BLNK: variants seen among roughly 807,000 people sequenced by gnomAD.
BLNK encodes B-cell linker protein.
A neutral mutation model predicts 73.5 loss-of-function variants in BLNK; 29 were observed. The observed-to-expected ratio is 0.39, with a 90% CI of 0.29 to 0.54. BLNK has a LOEUF of 0.54. BLNK is among the 20% of genes least tolerant of loss of function. BLNK has a pLI of 0.61. For synonymous variants in BLNK, 176 were observed against 200.8 expected (o/e 0.88, Z 1.04); for missense variants, 460 against 562.8 (o/e 0.82, Z 1.85).
chr10:96,259,751 T>A (rs184511302), intron 1 of BLNK, among the ~76,000 whole-genome samples: 87 of 133,916 alleles, frequency 6.5e-4, no homozygotes, highest in African/African-American at 2.3e-3. Context: ...GTCTTTGGCA[T>A]GTCTGAACGG....
At position 96,227,392 on chromosome 10, in the gene BLNK, G is replaced by C; in HGVS notation, c.361+18C>G. On this transcript the variant is annotated intron_variant, in intron 5 of 16. Transcript: ENST00000224337. ...TGGGCCTGGAAGGCCGAGTGCCCAG[G>C]TCTGCGGGGGACCTCACCTATATAC... is the stretch of plus-strand genomic sequence containing the variant. The C allele has an allele frequency of 6.2e-7, 1 of 1,612,330 alleles. No homozygotes were observed. The highest frequency in any genetic ancestry group is 8.5e-7 in the Non-Finnish European group (1 of 1,179,742).
rs1554893530 is a variant in BLNK at position 96,191,982 on chromosome 10, T to C, written c.1362A>G (p.Lys454=). Residue 454 remains lysine (K), a synonymous_variant, in exon 17 of 17, where the codon AAA becomes AAG. Coordinates refer to ENST00000224337, the MANE Select transcript of BLNK (RefSeq NM_013314.4). ...TCTTTTTTTTCCCCCTTTATGAAAC[T>C]TTAACTGCATACTTCAGTCTGGTGG... ...KDSTRLKYAV[K]VS 2 of 1,613,762 alleles carry C rather than the reference T, an allele frequency of 1.2e-6. No individual in the cohort carries two copies. The highest frequency in any genetic ancestry group is 1.1e-5 in the South Asian group (1 of 91,076).
At chr10:96,208,362 C>T (rs954530984) in intron 9 of BLNK, among the ~76,000 whole-genome samples, 9 of 152,184 alleles carry the variant, frequency 5.9e-5, no homozygotes, top group African/African-American at 1.4e-4. Flanking sequence ...GGTGAGGTTG[C>T]AGCTGCACTT....
chr10:96,215,245 A>G, intron 8 of BLNK, 76 bp downstream of exon 8: 1 of 1,436,096 alleles, frequency 7.0e-7, no homozygotes, highest in Non-Finnish European at 9.8e-7. Flanking sequence ...AATACAAGTG[A>G]TTACTCTTCA....
Position 96,224,024 on chromosome 10 carries a change from G to T in BLNK, c.362-35C>A, listed in dbSNP as rs2084263333. ...AACAAACAAAAAACATAACATAAAA[G>T]AGGCTCTGGATCATTTCCTGGGTGG... On this transcript the variant is annotated intron_variant, in intron 5 of 16. Coordinates refer to ENST00000224337, the MANE Select transcript of BLNK (RefSeq NM_013314.4). 2.5e-6 allele frequency: 4 copies of T among 1,611,494 alleles called. No individual in the cohort carries two copies. In the African/African-American group the frequency reaches 5.3e-5, roughly 22 times the overall value.
intron 2 of BLNK, among the ~76,000 whole-genome samples, chr10:96,246,236 T>A (rs1297944145): frequency 1.3e-5 from 2 of 152,070 alleles, no homozygotes; most frequent in Non-Finnish European, 2.9e-5. Flanking sequence ...TTTCAGGTAA[T>A]AATTCGAAAA....
chr10:96,260,697 C>T (rs372480755), intron 1 of BLNK, among the ~76,000 whole-genome samples: 1 of 152,010 alleles, frequency 6.6e-6, no homozygotes, highest in African/African-American at 2.4e-5. Flanking sequence ...AAAAGTTTGA[C>T]CCAGTTAAAT....
At chr10:96,217,841 T>C (rs782362836) in intron 6 of BLNK, among the ~76,000 whole-genome samples, 3 of 152,234 alleles carry the variant, frequency 2.0e-5, no homozygotes, top group Non-Finnish European at 4.4e-5. Flanking sequence ...TTGCTTGTAC[T>C]TTTGATGTCA....
chr10:96,248,819 A>C (rs1240221100), intron 1 of BLNK, among the ~76,000 whole-genome samples: 2 of 152,192 alleles, frequency 1.3e-5, no homozygotes, highest in Non-Finnish European at 2.9e-5. Context: ...AGGAATATAC[A>C]TCTATATTGT....
intron 9 of BLNK, 127 bp downstream of exon 9, chr10:96,209,711 C>G (rs926342053): frequency 8.6e-7 from 1 of 1,158,992 alleles, no homozygotes; most frequent in East Asian, 2.3e-5. Flanking sequence ...GTTAGCAGGG[C>G]TCCTTACTCT....
intron 1 of BLNK, among the ~76,000 whole-genome samples, chr10:96,256,521 ATATTT>A (rs1471849738): frequency 6.6e-6 from 1 of 152,154 alleles, no homozygotes; most frequent in Non-Finnish European, 1.5e-5. Flanking sequence ...CTAATATAGT[ATATTT>A]TATTTTTGTT....
intron 9 of BLNK, among the ~76,000 whole-genome samples, chr10:96,209,046 T>C (rs1344676696): frequency 4.6e-5 from 7 of 152,204 alleles, no homozygotes; most frequent in African/African-American, 1.4e-4. Context: ...CGGGGTGACG[T>C]TTGTAATATT....
rs587660464 is a variant in BLNK at position 96,189,291 on chromosome 10, A to T, written c.*2682T>A. On this transcript the variant is annotated 3_prime_UTR_variant, in exon 17 of 17. Transcript: ENST00000224337. ...TCTCACTCTGCATTATAGAAAGGAC[A>T]GCCAGATATTGACTGTTAGAGAAAT... is the stretch of plus-strand genomic sequence containing the variant. 9.0e-6 allele frequency: 4 copies of T among 444,770 alleles called. No individual in the cohort carries two copies. The highest frequency in any genetic ancestry group is 1.7e-5 in the Non-Finnish European group (4 of 235,894). The allele number at this position is 444,770 out of a possible 1,614,324, so 27.6% of individuals were successfully genotyped here. A position where few individuals can be genotyped will look rare whatever the true frequency, so the allele number is the denominator to read the frequency against.
intron 15 of BLNK, 96 bp downstream of exon 15, chr10:96,199,976 TGAG>T: frequency 6.1e-6 from 5 of 813,394 alleles, no homozygotes; most frequent in Non-Finnish European, 8.5e-6. Flanking sequence ...TGCAGTGAGC[TGAG>T]ATCGAGCCAC....
intron 7 of BLNK, 174 bp downstream of exon 7, chr10:96,216,479 G>T: frequency 1.5e-6 from 1 of 665,470 alleles, no homozygotes; most frequent in Non-Finnish European, 2.7e-6. Flanking sequence ...ACACAGAGAT[G>T]GGTTGTCACT....
intron 16 of BLNK, among the ~76,000 whole-genome samples, chr10:96,192,758 ATAAT>A (rs1351599411): frequency 3.3e-5 from 5 of 152,272 alleles, no homozygotes; most frequent in African/African-American, 4.8e-5. Context: ...GTTCTGAAAA[ATAAT>A]TAAAGTTTTG....
chr10:96,249,799 A>G (rs73318815), intron 1 of BLNK, among the ~76,000 whole-genome samples: 5,134 of 152,222 alleles, frequency 0.034, 294 homozygotes, highest in African/African-American at 0.12. Context: ...CAACCACATA[A>G]TCCCTCTCTG....
rs948286847 is a variant in BLNK, at chr10:96,221,395, C to T, written c.525+2431G>A. On this transcript the variant is annotated intron_variant, in intron 6 of 16. Transcript: ENST00000224337. Reference sequence around the variant, plus strand: ...TTAAACACTTTTATTTATGCTTGTACTTGACTTCTTCTTTTCCCAACTAAT... The same window carrying T: ...TTAAACACTTTTATTTATGCTTGTATTTGACTTCTTCTTTTCCCAACTAAT... 2.2e-4 allele frequency among the ~76,000 whole-genome samples: 34 copies of T among 152,312 alleles called. No individual in the cohort carries two copies. The South Asian group carries it at 2.3e-3, about 10-fold the overall frequency.
At chr10:96,196,005 C>T (rs587728042) in intron 16 of BLNK, among the ~76,000 whole-genome samples, 1 of 152,308 alleles carries the variant, frequency 6.6e-6, no homozygotes, top group African/African-American at 2.4e-5. Context: ...TCCTTGGCTT[C>T]ATGTAGTGGG....
Sources: allele counts gnomAD v4.1 joint callset (sites outside exome capture counted in the v4.1 genomes callset), GRCh38; gene constraint gnomAD v4.1.1; transcripts MANE v1.5; gene names NCBI Gene and HGNC (gene_info 2026-07-23, HGNC 2026-07-21).